Variants in RP1L1 observed in about 807,000 individuals in gnomAD.
RP1L1 encodes retinitis pigmentosa 1-like 1 protein.
In RP1L1, 27 loss-of-function variants were observed where a neutral mutation model predicts 15.7. The ratio of observed to expected loss-of-function variants is 1.72; its 90% confidence interval spans 1.27 to 2.38. RP1L1 has a LOEUF of 2.38. Among genes scored for constraint, RP1L1 ranks in the 30% most tolerant of loss-of-function variants. RP1L1 has a pLI of 0.00. For synonymous variants in RP1L1, 1,813 were observed against 1,276.7 expected, an observed-to-expected ratio of 1.42 and a Z score of -8.96; for missense variants, 4,798 against 3,075.9, an observed-to-expected ratio of 1.56 and a Z score of -13.24.
intron 2 of RP1L1, among the ~76,000 whole-genome samples, chr8:10,618,303 C>T (rs1032569821): frequency 3.3e-5 from 5 of 151,854 alleles, no homozygotes; most frequent in African/African-American, 1.2e-4. Flanking sequence ...AGTTTGAGAT[C>T]AGCCTGGGCA....
chr8:10,621,265 G>C (rs1184996450), intron 2 of RP1L1: 1 of 156,018 alleles, frequency 6.4e-6, no homozygotes, highest in African/African-American at 2.4e-5. Context: ...GGAGAGCTCT[G>C]TTACTCCATG....
chr8:10,618,089 G>A (rs1278347239), intron 2 of RP1L1, among the ~76,000 whole-genome samples: 1 of 152,218 alleles, frequency 6.6e-6, no homozygotes, highest in Admixed American at 6.5e-5. Flanking sequence ...CACAGAGCAT[G>A]TTCTTTTTCA....
Position 10,613,141 on chromosome 8 carries a change from GCCGTCCTC to G in RP1L1, c.949_956del (p.Glu317GlnfsTer87). 7.4e-6 allele frequency: 12 copies of G among 1,613,922 alleles called. No homozygotes were observed. Among genetic ancestry groups the G allele is most frequent in the Non-Finnish European group, 1.0e-5 (12 of 1,180,042 alleles). On this transcript the variant is annotated frameshift_variant, in exon 4 of 4. Coordinates refer to ENST00000382483, the MANE Select transcript of RP1L1 (RefSeq NM_178857.6). LOFTEE classifies it low-confidence loss of function (END_TRUNC). Reference sequence around the variant, plus strand: ...GGACTTTCATCTCCACGGACAGGCTGCCGTCCTCATTCATGCGGACCTTCTTCTTCATG... The same window carrying G: ...GGACTTTCATCTCCACGGACAGGCTGATTCATGCGGACCTTCTTCTTCATG...
intron 1 of RP1L1, among the ~76,000 whole-genome samples, chr8:10,630,055 G>A (rs1798217431): frequency 6.6e-6 from 1 of 152,108 alleles, no homozygotes. Context: ...GGGTGGTGAG[G>A]GGGTCTCCTT....
At chr8:10,636,082 G>A (rs1178532919) in intron 1 of RP1L1, among the ~76,000 whole-genome samples, 2 of 152,244 alleles carry the variant, frequency 1.3e-5, no homozygotes, top group Non-Finnish European at 2.9e-5. Context: ...CTGTTTTGGT[G>A]TGGATGAGTT....
Position 10,622,800 on chromosome 8 carries a change from G to T in RP1L1, c.402C>A (p.Gly134=). Residue 134 remains glycine, a synonymous_variant, in exon 2 of 4, where the codon GGC becomes GGA. Transcript: ENST00000382483. ...PTAQQLRDVE[G]QREAPGTSSS... ...AGGAGGTGCCTGGGGCTTCACGCTG[G>T]CCTTCGACATCCCGCAACTGCTGAG... 6.2e-7 allele frequency: 1 copy of T among 1,613,862 alleles called. No homozygotes were observed. Among genetic ancestry groups the T allele is most frequent in the Non-Finnish European group, 8.5e-7 (1 of 1,179,890 alleles).
chr8:10,631,567 A>G (rs914585876), intron 1 of RP1L1, among the ~76,000 whole-genome samples: 21 of 152,194 alleles, frequency 1.4e-4, no homozygotes, highest in African/African-American at 4.6e-4. Context: ...ACAGTTACCT[A>G]GAGAGATGGC....
At chr8:10,647,647 G>C (rs371676031) in intron 1 of RP1L1, among the ~76,000 whole-genome samples, 1 of 152,162 alleles carries the variant, frequency 6.6e-6, no homozygotes, top group African/African-American at 2.4e-5. Context: ...ACATTTCAAC[G>C]TGTTGCAGCA....
intron 1 of RP1L1, among the ~76,000 whole-genome samples, chr8:10,641,942 TG>T (rs1055762091): frequency 1.3e-5 from 2 of 152,052 alleles, no homozygotes; most frequent in African/African-American, 2.4e-5. Flanking sequence ...GGAATGAAGC[TG>T]GGAGGGAAGT....
chr8:10,623,189 G>C lies in RP1L1; in HGVS notation c.13C>G (p.Pro5Ala), dbSNP rs376254324. The C allele has an allele frequency of 1.5e-5, 23 of 1,565,978 alleles. No homozygotes were observed. Among genetic ancestry groups the C allele is most frequent in the Non-Finnish European group, 1.8e-5 (21 of 1,155,248 alleles). The change falls in exon 2 of 4, where the codon CCC becomes GCC. Residue 5 changes from proline (P) to alanine (A), a missense_variant. Transcript: ENST00000382483. Reference sequence around the variant, plus strand: ...TGGCTCGGGGCCTGGGCATTCCTGGGGGTGCTGTTCATGGTGTGGGGGCTC... The same window carrying C: ...TGGCTCGGGGCCTGGGCATTCCTGGCGGTGCTGTTCATGGTGTGGGGGCTC... MNST[P>A]RNAQAPSHRE...
In RP1L1 at chr8:10,611,665, T is replaced by C; in HGVS notation, c.2433A>G (p.Gly811=). 6.2e-7 allele frequency: 1 copy of C among 1,613,126 alleles called. No homozygotes were observed. The highest frequency in any genetic ancestry group is 8.5e-7 in the Non-Finnish European group (1 of 1,179,938). Residue 811 remains glycine, a synonymous_variant, in exon 4 of 4, where the codon GGA becomes GGG. Coordinates refer to ENST00000382483, the MANE Select transcript of RP1L1 (RefSeq NM_178857.6). ...QPSSPLVLQV[G]RPEQGAVGPH... ...GGCCCACCGCCCCTTGCTCAGGCCG[T>C]CCAACCTGCAGAACCAAGGGTGAGG...
At chr8:10,639,180 G>C (rs528413003) in intron 1 of RP1L1, among the ~76,000 whole-genome samples, 6 of 151,972 alleles carry the variant, frequency 3.9e-5, no homozygotes, top group East Asian at 3.9e-4. Context: ...AAGAGAGCAG[G>C]CATTGCCTCT....
In RP1L1 at chr8:10,611,361, C is replaced by A; in HGVS notation, c.2737G>T (p.Ala913Ser). Reference protein sequence around the residue: ...PNSGASRRSSASQGAGSRGLS... With the variant: ...PNSGASRRSSSSQGAGSRGLS... The stretch of plus-strand genomic sequence containing the variant: ...CCCCGAGACCCCGCACCCTGGCTGG[C>A]ACTGCTTCTCCTTGATGCCCCTGAA... Residue 913 changes from alanine to serine, a missense_variant, in exon 4 of 4, where the codon GCC becomes TCC. Coordinates refer to ENST00000382483, the MANE Select transcript of RP1L1 (RefSeq NM_178857.6). The A allele has an allele frequency of 6.2e-7, 1 of 1,610,870 alleles. No homozygotes were observed.
At chr8:10,653,656 T>TAC (rs36044293) in intron 1 of RP1L1, among the ~76,000 whole-genome samples, 23,021 of 150,456 alleles carry the variant, frequency 0.15, 1,879 homozygotes, top group South Asian at 0.22. Context: ...CACACACGCA[T>TAC]ACACACACAC....
At chr8:10,642,266 C>G (rs1798417828) in intron 1 of RP1L1, among the ~76,000 whole-genome samples, 1 of 151,984 alleles carries the variant, frequency 6.6e-6, no homozygotes, top group Non-Finnish European at 1.5e-5. Flanking sequence ...TTTTTTCTTA[C>G]TCACTGAGTT....
intron 1 of RP1L1, among the ~76,000 whole-genome samples, chr8:10,631,379 A>ATG (rs1350712623): frequency 3.5e-4 from 2 of 5,778 alleles, no homozygotes; most frequent in African/African-American, 7.5e-4. Context: ...ATGCACACAA[A>ATG]CACACATGCA....
chr8:10,637,592 A>G (rs1305038544), intron 1 of RP1L1, among the ~76,000 whole-genome samples: 1 of 152,146 alleles, frequency 6.6e-6, no homozygotes, highest in African/African-American at 2.4e-5. Flanking sequence ...AAAACAATAA[A>G]ATACATAAAA....
In RP1L1 at chr8:10,609,180, T is replaced by C. The variant is rs762773607; in HGVS notation, c.4918A>G (p.Ser1640Gly). ...SFTLEDEPAL[S>G]TALGSQLGEE... The stretch of plus-strand genomic sequence containing the variant: ...CCCAGCTGGCTCCCCAGGGCTGTGC[T>C]GAGGGCTGGCTCGTCCTCCAGGGTG... The change falls in exon 4 of 4, where the codon AGC becomes GGC. Residue 1640 changes from serine to glycine, a missense_variant. Physicochemically the swap from Ser to Gly is moderately conservative, Grantham distance 56. Coordinates refer to ENST00000382483, the MANE Select transcript of RP1L1 (RefSeq NM_178857.6). 4 of 1,612,166 alleles carry C rather than the reference T, an allele frequency of 2.5e-6. No homozygotes were observed. The highest frequency in any genetic ancestry group is 2.5e-6 in the Non-Finnish European group (3 of 1,179,530).
intron 2 of RP1L1, chr8:10,621,710 A>C (rs370124625): frequency 1.8e-5 from 9 of 502,600 alleles, no homozygotes; most frequent in African/African-American, 1.7e-4. Context: ...ACTGTGAATT[A>C]GGTCAGTCAA....
Sources: allele counts gnomAD v4.1 joint callset (sites outside exome capture counted in the v4.1 genomes callset), GRCh38; gene constraint gnomAD v4.1.1; transcripts MANE v1.5; gene names NCBI Gene and HGNC (gene_info 2026-07-23, HGNC 2026-07-21).